The following UBE3A variants were observed in gnomAD, a reference collection of about 807,000 sequenced individuals.
The protein encoded by UBE3A is ubiquitin-protein ligase E3A.
A neutral mutation model predicts 83.4 loss-of-function variants in UBE3A; 6 were observed. That is an observed-to-expected ratio of 0.07 (90% CI 0.04 to 0.14). The LOEUF (loss-of-function observed/expected upper bound fraction) is 0.14, where lower values mean the gene tolerates loss of function less well. Among genes scored for constraint, UBE3A ranks in the 10% least tolerant of loss-of-function variants. The probability of loss-of-function intolerance (pLI) is 1.00; values close to 1 mark genes in which losing one functional copy is unlikely to be tolerated. For missense variants in UBE3A, 456 were observed against 1,036.1 expected (o/e 0.44, Z 7.69); for synonymous variants, 337 against 355.4 (o/e 0.95, Z 0.58).
At chr15:25,420,177 C>T (rs1349553227) in intron 1 of UBE3A, among the ~76,000 whole-genome samples, 2 of 151,910 alleles carry the variant, frequency 1.3e-5, no homozygotes, top group African/African-American at 2.4e-5. Flanking sequence ...ATATAATGTG[C>T]AAAAATTAAT....
At position 25,371,576 on chromosome 15, in the gene UBE3A, T is replaced by C. The variant is rs2080295535; in HGVS notation, c.598A>G (p.Met200Val). Residue 200 changes from methionine to valine, a missense_variant, in exon 6 of 13, where the codon ATG becomes GTG. Physicochemically the swap from Met to Val is conservative, Grantham distance 21 (BLOSUM62 1). Around this residue, in one of 13 missense-constraint regions of UBE3A, gnomAD observed 42 missense variants for 41.8 expected, o/e 1.00. Transcript: ENST00000648336. The surrounding 1 kb of genome is among the most constrained non-coding windows in gnomAD (Gnocchi z 5.3). The part of the protein sequence containing the change: ...KEKAACSAAA[M>V]EEDSEASSSR... ...GAAGATGCTTCTGAGTCTTCTTCCA[T>C]AGCAGCAGCAGAACATGCAGCTTTT... 1.2e-6 allele frequency: 2 copies of C among 1,614,182 alleles called. No homozygotes were observed. The highest frequency in any genetic ancestry group is 1.7e-6 in the Non-Finnish European group (2 of 1,180,024).
chr15:25,396,242 A>G (rs2085541065), intron 4 of UBE3A, among the ~76,000 whole-genome samples: 1 of 152,116 alleles, frequency 6.6e-6, no homozygotes. Context: ...GTATGAAATC[A>G]TTAAGAAAAC....
At chr15:25,381,745 A>C (rs2082208368) in intron 4 of UBE3A, among the ~76,000 whole-genome samples, 1 of 152,174 alleles carries the variant, frequency 6.6e-6, no homozygotes, top group Non-Finnish European at 1.5e-5. Context: ...TAAAATTTGT[A>C]AGAGTGAGCA....
At chr15:25,344,917 G>C (rs1240031673) in intron 11 of UBE3A, among the ~76,000 whole-genome samples, 1 of 152,076 alleles carries the variant, frequency 6.6e-6, no homozygotes, top group Non-Finnish European at 1.5e-5. Context: ...GCAGGTAGCA[G>C]GTTCTGGAAA....
intron 11 of UBE3A, among the ~76,000 whole-genome samples, chr15:25,353,225 C>T (rs1270003886): frequency 1.3e-5 from 2 of 152,160 alleles, no homozygotes; most frequent in East Asian, 3.9e-4. Flanking sequence ...AATACATTCA[C>T]CACTGCTGCC....
chr15:25,414,330 C>T (rs1304039105), intron 1 of UBE3A, among the ~76,000 whole-genome samples: 2 of 152,126 alleles, frequency 1.3e-5, no homozygotes, highest in Admixed American at 1.3e-4. Flanking sequence ...AATTCAAAAA[C>T]TGTCTACTAG....
chr15:25,391,141 A>G (rs916544842), intron 4 of UBE3A, among the ~76,000 whole-genome samples: 23 of 152,228 alleles, frequency 1.5e-4, no homozygotes, highest in Admixed American at 1.4e-3. Context: ...GTATACATAT[A>G]TAACAAAATG....
intron 1 of UBE3A, chr15:25,420,896 A>G (rs541092373): frequency 2.1e-4 from 32 of 152,334 alleles, no homozygotes; most frequent in African/African-American, 6.7e-4. Flanking sequence ...TAAAAGTTAC[A>G]AAGAGTCCAA....
At chr15:25,382,414 T>C (rs981183275) in intron 4 of UBE3A, among the ~76,000 whole-genome samples, 3 of 151,758 alleles carry the variant, frequency 2.0e-5, no homozygotes, top group African/African-American at 7.3e-5. Flanking sequence ...AAAGTAAAAT[T>C]GTAGAACTAA....
intron 11 of UBE3A, among the ~76,000 whole-genome samples, chr15:25,353,602 C>A (rs964197796): frequency 1.3e-5 from 2 of 152,162 alleles, no homozygotes; most frequent in Non-Finnish European, 2.9e-5. Context: ...ACATTTATTG[C>A]TAGATAGAGT....
intron 11 of UBE3A, among the ~76,000 whole-genome samples, chr15:25,342,478 T>TA (rs1566836450): frequency 6.6e-6 from 1 of 152,172 alleles, no homozygotes; most frequent in South Asian, 2.1e-4. Flanking sequence ...CTATAAGTGT[T>TA]ATGTGTGTTA....
intron 1 of UBE3A, among the ~76,000 whole-genome samples, chr15:25,430,027 CTATATATATA>C (rs199950859): frequency 7.6e-5 from 5 of 66,172 alleles, no homozygotes; most frequent in East Asian, 6.2e-4. Flanking sequence ...AAAAAAAAAC[CTATATATATA>C]TATATATATA....
At chr15:25,401,340 C>G (rs1041531373) in intron 4 of UBE3A, among the ~76,000 whole-genome samples, 5 of 152,146 alleles carry the variant, frequency 3.3e-5, no homozygotes, top group African/African-American at 1.2e-4. Flanking sequence ...AAATTACTCC[C>G]TCTTCTTAAA....
chr15:25,370,584 T>C lies in UBE3A; in HGVS notation c.1590A>G (p.Ile530Met). Residue 530 changes from isoleucine (I) to methionine (M), a missense_variant, in exon 6 of 13, where the codon ATA (isoleucine) becomes ATG (methionine). Around this residue, in one of 13 missense-constraint regions of UBE3A, gnomAD observed 58 missense variants for 237.1 expected, o/e 0.24. Transcript: ENST00000648336. This position sits in a 1 kb window ranked among gnomAD's most constrained non-coding sequence, Gnocchi z 4.2. The stretch of plus-strand genomic sequence containing the variant: ...AACTTACCCGGACAAGTGCATCATC[T>C]ATGATATGGTCACGTCTAACTTTGA... ...LRLKVRRDHI[I>M]DDALVRLEMI... The C allele has an allele frequency of 6.2e-7, 1 of 1,614,134 alleles. No homozygotes were observed. The highest frequency in any genetic ancestry group is 8.5e-7 in the Non-Finnish European group (1 of 1,179,998).
In UBE3A at chr15:25,349,910, T is replaced by C. The variant is rs141136772; in HGVS notation, c.2354+4443A>G. 4.0e-3 allele frequency among the ~76,000 whole-genome samples: 611 copies of C among 152,292 alleles called. 2 individuals are homozygous for C. Among genetic ancestry groups the C allele is most frequent in the African/African-American group, 0.014 (585 of 41,562 alleles). Reference sequence around the variant, plus strand: ...ATATACTGGAAAAAGGGATAATTCATGCCCTGGGTGGAAAGGTGGGAGATT... The same window carrying C: ...ATATACTGGAAAAAGGGATAATTCACGCCCTGGGTGGAAAGGTGGGAGATT... On this transcript the variant is annotated intron_variant, in intron 11 of 12. Transcript: ENST00000648336.
At chr15:25,377,747 A>G (rs2081452265) in intron 4 of UBE3A, among the ~76,000 whole-genome samples, 1 of 152,176 alleles carries the variant, frequency 6.6e-6, no homozygotes, top group East Asian at 1.9e-4. Flanking sequence ...ACAAAAATGC[A>G]TTGTTTCTAT....
rs965912772 is a variant in UBE3A at position 25,413,739 on chromosome 15, T to A, written c.-164-1768A>T. On this transcript the variant is annotated intron_variant, in intron 1 of 12. Transcript: ENST00000648336. The stretch of plus-strand genomic sequence containing the variant: ...GCTGCTATTTTTCTATCTACTGAAA[T>A]TTTTCTTGTAAAGTTTCCATCATTT... Among the ~76,000 whole-genome samples, 4 of 152,164 alleles carry A rather than the reference T, an allele frequency of 2.6e-5. No individual in the cohort carries two copies. In the South Asian group the frequency reaches 8.3e-4, roughly 32 times the overall value.
intron 4 of UBE3A, among the ~76,000 whole-genome samples, chr15:25,404,687 T>A (rs2088025715): frequency 6.6e-6 from 1 of 152,226 alleles, no homozygotes; most frequent in Admixed American, 6.5e-5. Context: ...ACAAACTTAC[T>A]ATCTACCTAC....
In UBE3A at chr15:25,335,309, A is replaced by T. The variant is rs1453661998; in HGVS notation, c.*3828T>A. 1 of 152,316 alleles carries T rather than the reference A, an allele frequency of 6.6e-6. No individual in the cohort carries two copies. The highest frequency in any genetic ancestry group is 2.4e-5 in the African/African-American group (1 of 41,468). The allele number at this position is 152,316 out of a possible 1,614,324, so 9.4% of individuals were successfully genotyped here. A position where few individuals can be genotyped will look rare whatever the true frequency, so the allele number is the denominator to read the frequency against. ...ATGACAAGTGAAGATGCTGGGTAGG[A>T]ATGCAGCGAGGAAAGTGTGTAACAC... On this transcript the variant is annotated 3_prime_UTR_variant, in exon 13 of 13. Coordinates refer to ENST00000648336, the MANE Select transcript of UBE3A (RefSeq NM_130839.5).
Sources: allele counts gnomAD v4.1 joint callset (sites outside exome capture counted in the v4.1 genomes callset), GRCh38; gene constraint gnomAD v4.1.1; regional missense constraint gnomAD v4.1.1; non-coding constraint Gnocchi (gnomAD v3.1); transcripts MANE v1.5; gene names NCBI Gene and HGNC (gene_info 2026-07-23, HGNC 2026-07-21).